Variants in RRAGD observed in about 807,000 individuals in gnomAD.
The protein encoded by RRAGD is Ras related GTP binding D, also known as ras-related GTP-binding protein D.
A neutral mutation model predicts 35.5 loss-of-function variants in RRAGD; 12 were observed. The observed-to-expected ratio is 0.34, with a 90% confidence interval of 0.22 to 0.55. The LOEUF is 0.55. Among genes scored for constraint, RRAGD ranks in the 20% least tolerant of loss-of-function variants. The pLI is 0.91. For synonymous variants in RRAGD, 155 were observed against 178.9 expected (o/e 0.87, Z 1.07); for missense variants, 324 against 490.1 (o/e 0.66, Z 3.20).
chr6:89,403,903 C>G (rs1769529108), intron 1 of RRAGD, among the ~76,000 whole-genome samples: 1 of 152,124 alleles, frequency 6.6e-6, no homozygotes, highest in South Asian at 2.1e-4. Context: ...AGCAATCCTC[C>G]CACCTTGGCA....
intron 6 of RRAGD, among the ~76,000 whole-genome samples, chr6:89,369,461 G>A (rs1038297033): frequency 2.0e-5 from 3 of 152,198 alleles, no homozygotes; most frequent in Admixed American, 6.5e-5. Flanking sequence ...GACATATCCT[G>A]TTCTTATTTC....
At chr6:89,391,218 C>A (rs183095057) in intron 1 of RRAGD, among the ~76,000 whole-genome samples, 1 of 150,700 alleles carries the variant, frequency 6.6e-6, no homozygotes, top group East Asian at 2.0e-4. Flanking sequence ...GACCCCATCT[C>A]TACAAAAACT....
intron 1 of RRAGD, among the ~76,000 whole-genome samples, chr6:89,408,832 T>G (rs1282139143): frequency 2.0e-5 from 3 of 152,222 alleles, no homozygotes; most frequent in African/African-American, 7.2e-5. Flanking sequence ...TCAAAAGATT[T>G]AAAGTCCATG....
intron 1 of RRAGD, among the ~76,000 whole-genome samples, chr6:89,408,202 A>T (rs1582527507): frequency 6.6e-6 from 1 of 152,042 alleles, no homozygotes; most frequent in East Asian, 1.9e-4. Flanking sequence ...CATATACTTG[A>T]TCCTCTTCTA....
chr6:89,378,778 G>T (rs1301549594), intron 4 of RRAGD, among the ~76,000 whole-genome samples: 1 of 152,216 alleles, frequency 6.6e-6, no homozygotes, highest in African/African-American at 2.4e-5. Context: ...TATTTTTAGA[G>T]ACAAGTTCTC....
chr6:89,372,027 G>A (rs748269804), intron 6 of RRAGD, among the ~76,000 whole-genome samples: 8 of 152,132 alleles, frequency 5.3e-5, no homozygotes, highest in East Asian at 1.9e-4. Flanking sequence ...AAGATCACAC[G>A]GTTACCTAAG....
chr6:89,409,227 C>T (rs1769647557), intron 1 of RRAGD, among the ~76,000 whole-genome samples: 1 of 152,182 alleles, frequency 6.6e-6, no homozygotes, highest in African/African-American at 2.4e-5. Flanking sequence ...ACATATCCAC[C>T]TTTAGTCCAC....
chr6:89,365,899 C>G lies in RRAGD; in HGVS notation c.*2157G>C, dbSNP rs1768733760. The G allele has an allele frequency of 6.6e-6, 1 of 152,122 alleles. No individual in the cohort carries two copies. The highest frequency in any genetic ancestry group is 2.4e-5 in the African/African-American group (1 of 41,412). The allele number at this position is 152,122 out of a possible 1,614,324, so 9.4% of individuals were successfully genotyped here. ...AAAACTGATTCTTCATTTGCTTATT[C>G]AAAGTGAAACAACATGTAAAAAATA... is the stretch of plus-strand genomic sequence containing the variant. On this transcript the variant is annotated 3_prime_UTR_variant, in exon 7 of 7. Transcript: ENST00000369415.
intron 1 of RRAGD, among the ~76,000 whole-genome samples, chr6:89,402,027 A>G (rs934175209): frequency 2.5e-5 from 3 of 120,376 alleles, no homozygotes; most frequent in Non-Finnish European, 5.1e-5. Context: ...AGCACTGAGG[A>G]AATCCTAAGG....
At chr6:89,388,728 TA>T (rs1451219156) in intron 1 of RRAGD, among the ~76,000 whole-genome samples, 3 of 152,208 alleles carry the variant, frequency 2.0e-5, no homozygotes, top group African/African-American at 7.2e-5. Flanking sequence ...TTAGGCAGTT[TA>T]TTTCTATTAT....
intron 1 of RRAGD, among the ~76,000 whole-genome samples, chr6:89,396,682 G>A (rs1180164880): frequency 1.4e-5 from 2 of 146,072 alleles, no homozygotes; most frequent in Non-Finnish European, 3.0e-5. Context: ...GCCTCCCAAA[G>A]TGCTGGGATT....
At chr6:89,406,103 G>C (rs980627064) in intron 1 of RRAGD, among the ~76,000 whole-genome samples, 2 of 148,366 alleles carry the variant, frequency 1.3e-5, no homozygotes, top group South Asian at 2.2e-4. Flanking sequence ...ATCCTCTCAA[G>C]TCACACTGGC....
chr6:89,368,891 T>G (rs971846821), intron 6 of RRAGD, among the ~76,000 whole-genome samples: 6 of 152,192 alleles, frequency 3.9e-5, no homozygotes, highest in African/African-American at 1.2e-4. Context: ...TCTTGATGAG[T>G]GCATTTTTCA....
chr6:89,390,815 T>C (rs182389666), intron 1 of RRAGD, among the ~76,000 whole-genome samples: 3 of 152,064 alleles, frequency 2.0e-5, no homozygotes, highest in African/African-American at 7.2e-5. Flanking sequence ...AGAGAATCAC[T>C]TGAACCTGGG....
At chr6:89,405,501 C>T (rs1056307555) in intron 1 of RRAGD, among the ~76,000 whole-genome samples, 4 of 152,066 alleles carry the variant, frequency 2.6e-5, no homozygotes, top group Admixed American at 1.3e-4. Flanking sequence ...TGTCCCCTTG[C>T]CCATGAGCCT....
intron 5 of RRAGD, among the ~76,000 whole-genome samples, chr6:89,373,562 G>A (rs1474832693): frequency 1.3e-5 from 2 of 149,690 alleles, no homozygotes; most frequent in African/African-American, 5.0e-5. Context: ...ACGTTGCCGT[G>A]AGCCGAGATT....
At chr6:89,382,166 T>G (rs1361444399) in intron 2 of RRAGD, among the ~76,000 whole-genome samples, 2 of 151,988 alleles carry the variant, frequency 1.3e-5, no homozygotes, top group Non-Finnish European at 2.9e-5. Context: ...CAAACATCAG[T>G]AAAAATGTAT....
intron 1 of RRAGD, among the ~76,000 whole-genome samples, chr6:89,406,934 C>A (rs1248386134): frequency 6.6e-6 from 1 of 152,208 alleles, no homozygotes; most frequent in African/African-American, 2.4e-5. Flanking sequence ...AAGAATCTAG[C>A]CAAACCCCCA....
chr6:89,395,144 A>T (rs1769308866), intron 1 of RRAGD, among the ~76,000 whole-genome samples: 1 of 152,234 alleles, frequency 6.6e-6, no homozygotes, highest in African/African-American at 2.4e-5. Flanking sequence ...CTGTAGTCAC[A>T]GCTACTTGGA....
Sources: allele counts gnomAD v4.1 joint callset (sites outside exome capture counted in the v4.1 genomes callset), GRCh38; gene constraint gnomAD v4.1.1; transcripts MANE v1.5; gene names NCBI Gene and HGNC (gene_info 2026-07-23, HGNC 2026-07-21).